The following TTLL7 variants were observed in gnomAD, a reference collection of about 807,000 sequenced individuals.
The protein encoded by TTLL7 is tubulin polyglutamylase TTLL7.
In TTLL7, 53 loss-of-function variants were observed where a neutral mutation model predicts 120.2. The observed-to-expected ratio is 0.44, with a 90% CI of 0.35 to 0.55. The LOEUF (loss-of-function observed/expected upper bound fraction) is 0.55. Among genes scored for constraint, TTLL7 ranks in the 20% least tolerant of loss-of-function variants. TTLL7 has a pLI of 0.00. For missense variants in TTLL7, 803 were observed against 1,054.7 expected, an observed-to-expected ratio of 0.76 and a Z score of 3.31; for synonymous variants, 353 against 351.7, an observed-to-expected ratio of 1.00 and a Z score of -0.04.
chr1:83,878,437 T>A (rs1040058289), intron 20 of TTLL7, among the ~76,000 whole-genome samples: 5 of 151,934 alleles, frequency 3.3e-5, no homozygotes, highest in African/African-American at 1.2e-4. Context: ...TTGCAAACCA[T>A]CCCGAGCACT....
intron 1 of TTLL7, among the ~76,000 whole-genome samples, chr1:83,996,719 A>G (rs533530822): frequency 1.3e-5 from 2 of 152,338 alleles, no homozygotes; most frequent in South Asian, 2.1e-4. Context: ...TGGTTTGCAG[A>G]CTGTAGTCAT....
intron 1 of TTLL7, chr1:83,980,105 T>G (rs960165680): frequency 2.0e-5 from 3 of 152,130 alleles, no homozygotes; most frequent in African/African-American, 7.2e-5. Flanking sequence ...TGAGTGAGAA[T>G]TTACCAAATC....
intron 20 of TTLL7, among the ~76,000 whole-genome samples, chr1:83,872,811 C>G (rs1019601396): frequency 7.2e-5 from 11 of 152,172 alleles, no homozygotes. Flanking sequence ...GATATCAACT[C>G]ATTTAGTTCT....
At chr1:83,893,837 G>T (rs926087851) in intron 18 of TTLL7, among the ~76,000 whole-genome samples, 1 of 151,990 alleles carries the variant, frequency 6.6e-6, no homozygotes, top group African/African-American at 2.4e-5. Context: ...GTAGGTCAGG[G>T]TGTGTCCTAG....
At position 83,920,248 on chromosome 1, in the gene TTLL7, T is replaced by TG. The variant is rs528085297; in HGVS notation, c.1365-415dup. Reference sequence around the variant, plus strand: ...AGAAGGTACAGTATAAGGGTTTAGTTGGGGGGAAATGGTTGGGGAAGAATG... The same window carrying TG: ...AGAAGGTACAGTATAAGGGTTTAGTTGGGGGGGAAATGGTTGGGGAAGAATG... On this transcript the variant is annotated intron_variant, in intron 12 of 20. Transcript: ENST00000260505. 1.2e-4 allele frequency among the ~76,000 whole-genome samples: 18 copies of TG among 152,166 alleles called. No homozygotes were observed. In the South Asian group the frequency reaches 3.7e-3, roughly 32 times the overall value.
At chr1:83,989,615 T>G (rs1652793007) in intron 1 of TTLL7, among the ~76,000 whole-genome samples, 1 of 152,234 alleles carries the variant, frequency 6.6e-6, no homozygotes, top group Non-Finnish European at 1.5e-5. Flanking sequence ...TTTGTTCTTT[T>G]TGCTTAGGAT....
At chr1:83,969,271 G>A (rs538946629) in intron 1 of TTLL7, among the ~76,000 whole-genome samples, 1 of 151,992 alleles carries the variant, frequency 6.6e-6, no homozygotes, top group East Asian at 1.9e-4. Context: ...ATGGACAATG[G>A]TAAGTTTCTC....
chr1:83,963,722 G>A (rs1211711891), intron 1 of TTLL7, among the ~76,000 whole-genome samples: 2 of 152,046 alleles, frequency 1.3e-5, no homozygotes, highest in Non-Finnish European at 2.9e-5. Context: ...ACACAGCCTG[G>A]AACACATGAG....
chr1:83,946,372 G>A (rs1648510358), intron 6 of TTLL7: 1 of 152,142 alleles, frequency 6.6e-6, no homozygotes, highest in Admixed American at 6.6e-5. Context: ...ATTAAAAGCA[G>A]CCTCAGCCAC....
At chr1:83,901,422 TC>T (rs1486205184) in intron 18 of TTLL7, among the ~76,000 whole-genome samples, 1 of 152,006 alleles carries the variant, frequency 6.6e-6, no homozygotes, top group East Asian at 1.9e-4. Flanking sequence ...AATCATCTTT[TC>T]TCTATTGGTT....
chr1:83,945,444 G>A (rs79769832), intron 6 of TTLL7, among the ~76,000 whole-genome samples: 21,211 of 152,170 alleles, frequency 0.14, 1,985 homozygotes, highest in Non-Finnish European at 0.21. Context: ...GCCTAATAAC[G>A]GAGTTCCAAA....
At chr1:83,906,295 G>A (rs777756116) in intron 17 of TTLL7, 34 bp downstream of exon 17, 58 of 1,554,684 alleles carry the variant, frequency 3.7e-5, no homozygotes, top group Non-Finnish European at 4.9e-5. Flanking sequence ...AAAGGTACCA[G>A]CTCCTTGGCA....
In TTLL7 at chr1:83,921,393, T is replaced by G. The variant is rs753567770; in HGVS notation, c.1144A>C (p.Thr382Pro). ...GCCAAGTTTCTTCTTTTGTCACTGG[T>G]CCTAAAATATAAAACATAAGACCAT... Reference protein sequence around the residue: ...LNALKLLNIRTSDKRRNLAKQ... With the variant: ...LNALKLLNIRPSDKRRNLAKQ... The change falls in exon 11 of 21, where the codon ACC becomes CCC. Residue 382 changes from threonine (T) to proline (P), a missense_variant and splice_region_variant. This residue lies in a region of TTLL7 where 324 missense variants were observed against 507.7 expected (regional missense o/e 0.64). Coordinates refer to ENST00000260505, the MANE Select transcript of TTLL7 (RefSeq NM_024686.6). 1.2e-6 allele frequency: 2 copies of G among 1,610,284 alleles called. No homozygotes were observed. The highest frequency in any genetic ancestry group is 2.7e-5 in the African/African-American group (2 of 74,580).
intron 17 of TTLL7, among the ~76,000 whole-genome samples, chr1:83,905,887 A>G (rs1418643054): frequency 6.6e-6 from 1 of 151,980 alleles, no homozygotes; most frequent in Non-Finnish European, 1.5e-5. Context: ...ATCTGACCCC[A>G]AAAATGTGAC....
chr1:83,943,328 T>G (rs1342467392), intron 6 of TTLL7, among the ~76,000 whole-genome samples: 1 of 152,150 alleles, frequency 6.6e-6, no homozygotes, highest in Non-Finnish European at 1.5e-5. Context: ...GACGACCAGT[T>G]ACATGCCCAA....
chr1:83,971,687 G>A (rs1451578445), intron 1 of TTLL7, among the ~76,000 whole-genome samples: 3 of 151,950 alleles, frequency 2.0e-5, no homozygotes, highest in Non-Finnish European at 4.4e-5. Context: ...TAGTTTTGCA[G>A]GTCATTCAGA....
At chr1:83,916,776 A>T (rs893611602) in intron 14 of TTLL7, among the ~76,000 whole-genome samples, 9 of 152,296 alleles carry the variant, frequency 5.9e-5, no homozygotes, top group Admixed American at 4.6e-4. Flanking sequence ...CTACTCTACT[A>T]GCAAGAACTT....
chr1:83,909,598 A>G (rs751111587), intron 15 of TTLL7, among the ~76,000 whole-genome samples: 1 of 152,096 alleles, frequency 6.6e-6, no homozygotes, highest in Non-Finnish European at 1.5e-5. Context: ...TAAAAATAAA[A>G]TATAACTAAT....
chr1:83,921,450 C>A lies in TTLL7; in HGVS notation c.1143-56G>T. On this transcript the variant is annotated intron_variant, in intron 10 of 20. Transcript: ENST00000260505. ...GAACTCGAACAAGTTCTGATCTTAT[C>A]CCTGTGAGGAGAATTTGCAGAACAG... is the stretch of plus-strand genomic sequence containing the variant. 4 of 1,575,134 alleles carry A rather than the reference C, an allele frequency of 2.5e-6. No individual in the cohort carries two copies. In the Admixed American group the frequency reaches 5.7e-5, roughly 22 times the overall value.
Sources: allele counts gnomAD v4.1 joint callset (sites outside exome capture counted in the v4.1 genomes callset), GRCh38; gene constraint gnomAD v4.1.1; regional missense constraint gnomAD v4.1.1; transcripts MANE v1.5; gene names NCBI Gene and HGNC (gene_info 2026-07-23, HGNC 2026-07-21).